KIAA1586: variants seen among roughly 807,000 people sequenced by gnomAD.
KIAA1586 encodes KIAA1586.
KIAA1586 carries 5 observed loss-of-function variants against 6.1 expected under a neutral mutation model. That is an observed-to-expected ratio of 0.82 (90% CI 0.43 to 1.73). The LOEUF (loss-of-function observed/expected upper bound fraction) is 1.73, where lower values mean the gene tolerates loss of function less well. Among genes scored for constraint, KIAA1586 ranks in the 40% most tolerant of loss-of-function variants. The probability of loss-of-function intolerance (pLI) is 0.02; values close to 1 mark genes in which losing one functional copy is unlikely to be tolerated. For missense variants in KIAA1586, 899 were observed against 878.2 expected, an observed-to-expected ratio of 1.02 and a Z score of -0.30; for synonymous variants, 280 against 301.7, an observed-to-expected ratio of 0.93 and a Z score of 0.75.
At position 57,054,286 on chromosome 6, in the gene KIAA1586, A is replaced by G. The variant is rs1489909327; in HGVS notation, c.1787A>G (p.Asn596Ser). The G allele has an allele frequency of 6.3e-7, 1 of 1,580,098 alleles. No homozygotes were observed. Among genetic ancestry groups the G allele is most frequent in the Non-Finnish European group, 8.6e-7 (1 of 1,165,852 alleles). Residue 596 changes from asparagine (N) to serine (S), a missense_variant, in exon 4 of 4, where the codon AAT (asparagine) becomes AGT (serine). Coordinates refer to ENST00000370733, the MANE Select transcript of KIAA1586 (RefSeq NM_020931.4). ...AAAGATATTCCATTTAATAAAAACA[A>G]TAAATTTAATGCTCTTCCTAGGAGT... ...KFKDIPFNKN[N>S]KFNALPRSIL...
In KIAA1586 at chr6:57,053,156, T is replaced by A. The variant is rs1230453359; in HGVS notation, c.657T>A (p.Ile219=). ...ATGTTTCTAAAGCCCATGGTAAAAT[T>A]CAGGATTTGTTAAAGGAATCAACTA... ...EHDVSKAHGK[I]QDLLKESTND... The change falls in exon 4 of 4, where the codon ATT becomes ATA. Residue 219 remains isoleucine, a synonymous_variant. Transcript: ENST00000370733. 1.2e-6 allele frequency: 2 copies of A among 1,610,506 alleles called. No individual in the cohort carries two copies. The highest frequency in any genetic ancestry group is 2.2e-5 in the South Asian group (2 of 90,426).
the KIAA1586 span, among the ~76,000 whole-genome samples, chr6:57,060,284 A>C: frequency 3.9e-5 from 6 of 152,272 alleles, no homozygotes; most frequent in East Asian, 5.8e-4. Flanking sequence ...GCTCGATTTA[A>C]GACAACATGG....
Position 57,053,773 on chromosome 6 carries a change from T to G in KIAA1586, c.1274T>G (p.Leu425Trp). Residue 425 changes from leucine to tryptophan, a missense_variant, in exon 4 of 4, where the codon TTG becomes TGG. Leu to Trp is a moderately conservative substitution (Grantham distance 61, BLOSUM62 -2). Transcript: ENST00000370733. Reference sequence around the variant, plus strand: ...AACTGTTTAAATCATCGATTACAATTGTCACTTGATGATTCTATATCCGAA... The same window carrying G: ...AACTGTTTAAATCATCGATTACAATGGTCACTTGATGATTCTATATCCGAA... ...IWNCLNHRLQ[L>W]SLDDSISEIK... The G allele has an allele frequency of 6.3e-7, 1 of 1,577,936 alleles. No individual in the cohort carries two copies. Among genetic ancestry groups the G allele is most frequent in the East Asian group, 2.2e-5 (1 of 44,562 alleles).
Position 57,053,878 on chromosome 6 carries a change from AGCT to A in KIAA1586, c.1380_1382del (p.Lys460_Leu461delinsAsn), listed in dbSNP as rs1261799486. The A allele has an allele frequency of 1.3e-6, 2 of 1,571,672 alleles. No individual in the cohort carries two copies. The highest frequency in any genetic ancestry group is 8.6e-7 in the Non-Finnish European group (1 of 1,160,900). On this transcript the variant is annotated inframe_deletion, in exon 4 of 4. Transcript: ENST00000370733. Reference sequence around the variant, plus strand: ...CATCAACCTAATAAAAATCAAACCAAGCTTCTAGGAACTGTAGCTAAAGAACTT... The same window carrying A: ...CATCAACCTAATAAAAATCAAACCAATCTAGGAACTGTAGCTAAAGAACTT...
intron 2 of KIAA1586, among the ~76,000 whole-genome samples, chr6:57,048,741 A>G (rs1246976035): frequency 1.8e-4 from 27 of 152,164 alleles, no homozygotes; most frequent in Admixed American, 1.8e-3. Flanking sequence ...TTTTTTGTGC[A>G]TCTGTATGTA....
chr6:57,046,797 C>G, intron 1 of KIAA1586, 21 bp downstream of exon 1: 1 of 1,609,556 alleles, frequency 6.2e-7, no homozygotes, highest in Non-Finnish European at 8.5e-7. Flanking sequence ...GAGTGAGGGT[C>G]CTGGCGTTCT....
intron 2 of KIAA1586, among the ~76,000 whole-genome samples, chr6:57,049,841 A>G (rs902179391): frequency 6.6e-6 from 1 of 152,188 alleles, no homozygotes; most frequent in Non-Finnish European, 1.5e-5. Context: ...GGCCTGGTCT[A>G]TGATGAGGGT....
At position 57,054,644 on chromosome 6, in the gene KIAA1586, C is replaced by T. The variant is rs1316572199; in HGVS notation, c.2145C>T (p.Asn715=). Residue 715 remains asparagine (N), a synonymous_variant, in exon 4 of 4, where the codon AAC becomes AAT. Coordinates refer to ENST00000370733, the MANE Select transcript of KIAA1586 (RefSeq NM_020931.4). ...AEAERGFNLM[N]IICTRVRNSL... ...CTGAAAGGGGTTTCAATTTAATGAA[C>T]ATAATTTGTACAAGGGTGAGAAATA... 1 of 1,577,264 alleles carries T rather than the reference C, an allele frequency of 6.3e-7. No individual in the cohort carries two copies. Among genetic ancestry groups the T allele is most frequent in the Non-Finnish European group, 8.6e-7 (1 of 1,158,462 alleles).
At chr6:57,056,014 A>T (rs555182089), downstream of KIAA1586, among the ~76,000 whole-genome samples, 1 of 152,292 alleles carries the variant, frequency 6.6e-6, no homozygotes, top group East Asian at 1.9e-4. Context: ...GAAGGAACTA[A>T]GGTTGTAAGT....
chr6:57,048,208 A>G (rs1490911431), intron 2 of KIAA1586, among the ~76,000 whole-genome samples: 1 of 152,012 alleles, frequency 6.6e-6, no homozygotes, highest in East Asian at 1.9e-4. Flanking sequence ...CAGGCAGAAA[A>G]CAGTTCTGTC....
At position 57,054,986 on chromosome 6, in the gene KIAA1586, C is replaced by T. The variant is rs1007144720; in HGVS notation, c.*123C>T. ...TATCAGCATGTTGCTGTTTAAAAGG[C>T]GTTCTTTAAGAAGATAATCTTGAAG... On this transcript the variant is annotated 3_prime_UTR_variant, in exon 4 of 4. Transcript: ENST00000370733. 7 of 1,097,162 alleles carry T rather than the reference C, an allele frequency of 6.4e-6. No individual in the cohort carries two copies. In the African/African-American group the frequency reaches 8.0e-5, roughly 12 times the overall value. 68.0% of individuals were successfully genotyped at this position (1,097,162 alleles called of 1,614,324 possible). A position where few individuals can be genotyped will look rare whatever the true frequency, so the allele number is the denominator to read the frequency against.
chr6:57,053,482 C>T lies in KIAA1586; in HGVS notation c.983C>T (p.Thr328Ile). ...GAGGCATCTACAGTTTCAAAGAAAA[C>T]CACCCTAGTGATTTATCTCCAGTGC... The part of the protein sequence containing the change: ...IDEASTVSKK[T>I]TLVIYLQCTI... The change falls in exon 4 of 4, where the codon ACC becomes ATC. Residue 328 changes from threonine to isoleucine, a missense_variant. Physicochemically the swap from Thr to Ile is moderately conservative, Grantham distance 89. Transcript: ENST00000370733. 1 of 1,613,284 alleles carries T rather than the reference C, an allele frequency of 6.2e-7. No individual in the cohort carries two copies. The highest frequency in any genetic ancestry group is 8.5e-7 in the Non-Finnish European group (1 of 1,179,656).
In KIAA1586 at chr6:57,054,984, G is replaced by C. The variant is rs1221209940; in HGVS notation, c.*121G>C. 4 of 1,140,344 alleles carry C rather than the reference G, an allele frequency of 3.5e-6. No individual in the cohort carries two copies. In the African/African-American group the frequency reaches 6.3e-5, roughly 18 times the overall value. The allele number at this position is 1,140,344 out of a possible 1,614,324, so 70.6% of individuals were successfully genotyped here. A position where few individuals can be genotyped will look rare whatever the true frequency, so the allele number is the denominator to read the frequency against. ...TTTATCAGCATGTTGCTGTTTAAAA[G>C]GCGTTCTTTAAGAAGATAATCTTGA... On this transcript the variant is annotated 3_prime_UTR_variant, in exon 4 of 4. Coordinates refer to ENST00000370733, the MANE Select transcript of KIAA1586 (RefSeq NM_020931.4).
chr6:57,056,568 G>A (rs1480228701), downstream of KIAA1586, among the ~76,000 whole-genome samples: 1 of 150,630 alleles, frequency 6.6e-6, no homozygotes, highest in Non-Finnish European at 1.5e-5. Flanking sequence ...GATGGGAGAG[G>A]GGAGGGTCCT....
chr6:57,049,216 A>G (rs901942647), intron 2 of KIAA1586, among the ~76,000 whole-genome samples: 10 of 152,314 alleles, frequency 6.6e-5, no homozygotes, highest in Admixed American at 6.5e-4. Context: ...AAAGACAATG[A>G]TAACTTAATT....
downstream of KIAA1586, among the ~76,000 whole-genome samples, chr6:57,055,803 T>C (rs561459264): frequency 2.6e-5 from 4 of 152,322 alleles, no homozygotes; most frequent in East Asian, 7.7e-4. Flanking sequence ...AGAAGGTATG[T>C]TGCAGATTTG....
Position 57,046,750 on chromosome 6 carries a change from G to A in KIAA1586, c.-6G>A, listed in dbSNP as rs770767172. ...CAGTGGTGCTGTCAGCGCGGCCGTC[G>A]GAGACATGGGAGACCCGGGGTCGGA... On this transcript the variant is annotated 5_prime_UTR_variant, in exon 1 of 4. Transcript: ENST00000370733. The A allele has an allele frequency of 2.0e-5, 33 of 1,612,656 alleles. 2 individuals are homozygous for A. The South Asian group carries it at 3.6e-4, about 18-fold the overall frequency.
chr6:57,059,575 C>T (rs931111368), downstream of KIAA1586, among the ~76,000 whole-genome samples: 12 of 124,820 alleles, frequency 9.6e-5, no homozygotes, highest in African/African-American at 2.9e-4. Context: ...TGGGCGAGAG[C>T]GAGACTCTGT....
chr6:57,053,003 G>T lies in KIAA1586; in HGVS notation c.504G>T (p.Arg168=), dbSNP rs758948083. The T allele has an allele frequency of 6.2e-7, 1 of 1,613,898 alleles. No homozygotes were observed. The highest frequency in any genetic ancestry group is 8.5e-7 in the Non-Finnish European group (1 of 1,179,924). Reference sequence around the variant, plus strand: ...GATGTAAGGATTGTTCAGCAGTTCGGCATTTGGGATCGAAAGCAGAAAAGC... The same window carrying T: ...GATGTAAGGATTGTTCAGCAGTTCGTCATTTGGGATCGAAAGCAGAAAAGC... ...KLGCKDCSAV[R]HLGSKAEKHV... Residue 168 remains arginine, a synonymous_variant, in exon 4 of 4, where the codon CGG becomes CGT. Coordinates refer to ENST00000370733, the MANE Select transcript of KIAA1586 (RefSeq NM_020931.4).
Sources: gnomAD v4.1 joint callset for allele counts (sites outside exome capture counted in the v4.1 genomes callset) on GRCh38, gnomAD v4.1.1 for gene constraint, MANE v1.5 for transcripts, NCBI Gene and HGNC (gene_info 2026-07-23, HGNC 2026-07-21) for gene names.